The following EHMT1 variants were observed in gnomAD, a reference collection of about 807,000 sequenced individuals.
The protein encoded by EHMT1 is histone-lysine N-methyltransferase EHMT1.
EHMT1 carries 15 observed loss-of-function variants against 147.2 expected under a neutral mutation model. The observed-to-expected ratio is 0.10, with a 90% CI of 0.07 to 0.16. The LOEUF is 0.16. Among genes scored for constraint, EHMT1 ranks in the 10% least tolerant of loss-of-function variants. The probability of loss-of-function intolerance (pLI) is 1.00; values close to 1 mark genes in which losing one functional copy is unlikely to be tolerated. For synonymous variants in EHMT1, 795 were observed against 709.6 expected (o/e 1.12, Z -1.91); for missense variants, 1,587 against 1,772.4 (o/e 0.90, Z 1.88).
intron 3 of EHMT1, among the ~76,000 whole-genome samples, chr9:137,718,955 C>T (rs1238429799): frequency 6.6e-6 from 1 of 151,956 alleles, no homozygotes; most frequent in African/African-American, 2.4e-5. Flanking sequence ...GAGGTTTCAC[C>T]ATGTTGGCCA....
intron 14 of EHMT1, among the ~76,000 whole-genome samples, chr9:137,780,961 C>T (rs1269376096): frequency 7.9e-6 from 1 of 127,288 alleles, no homozygotes; most frequent in East Asian, 2.3e-4. Flanking sequence ...GTGGTGATGA[C>T]GCTGAGACGT....
chr9:137,781,109 G>A (rs1193832646), intron 14 of EHMT1, among the ~76,000 whole-genome samples: 2 of 53,642 alleles, frequency 3.7e-5, no homozygotes, highest in Non-Finnish European at 3.7e-5. Flanking sequence ...TGGTGATGAC[G>A]CTGAGATGTG....
chr9:137,726,258 C>T (rs1439195052), intron 3 of EHMT1, among the ~76,000 whole-genome samples: 1 of 152,234 alleles, frequency 6.6e-6, no homozygotes, highest in Non-Finnish European at 1.5e-5. Context: ...GCTCTGTCTC[C>T]TTTAAACACT....
chr9:137,818,238 C>A, intron 25 of EHMT1, 100 bp downstream of exon 25: 3 of 1,350,742 alleles, frequency 2.2e-6, no homozygotes, highest in African/African-American at 1.4e-5. Context: ...AGAGCTCTTA[C>A]TGTTGACAAG....
At chr9:137,801,169 G>A (rs1306107183) in intron 18 of EHMT1, among the ~76,000 whole-genome samples, 185 bp downstream of exon 18, 1 of 152,176 alleles carries the variant, frequency 6.6e-6, no homozygotes, top group Non-Finnish European at 1.5e-5. Context: ...GGGGATGTGA[G>A]GTCCCAGCAG....
chr9:137,619,458 C>T (rs1371462556), intron 1 of EHMT1, among the ~76,000 whole-genome samples: 1 of 152,086 alleles, frequency 6.6e-6, no homozygotes, highest in Non-Finnish European at 1.5e-5. Flanking sequence ...GCGGGGCCGG[C>T]CAACTTTGGA....
chr9:137,630,237 A>T (rs1323615073), intron 1 of EHMT1, among the ~76,000 whole-genome samples: 1 of 152,242 alleles, frequency 6.6e-6, no homozygotes, highest in Non-Finnish European at 1.5e-5. Context: ...AAGAGGACAT[A>T]CAAAGTTTTG....
chr9:137,807,308 C>T (rs1005337006), intron 18 of EHMT1, among the ~76,000 whole-genome samples: 2 of 152,064 alleles, frequency 1.3e-5, no homozygotes, highest in South Asian at 2.1e-4. Flanking sequence ...GTCCACTCAT[C>T]TTTTCTTCTG....
chr9:137,666,759 G>A (rs532606890), intron 1 of EHMT1, among the ~76,000 whole-genome samples: 27 of 152,316 alleles, frequency 1.8e-4, no homozygotes, highest in Non-Finnish European at 3.2e-4. Flanking sequence ...TCCATTTTCC[G>A]TGGAATGGTG....
intron 1 of EHMT1, among the ~76,000 whole-genome samples, chr9:137,703,553 A>T (rs1291612604): frequency 6.6e-6 from 1 of 152,128 alleles, no homozygotes; most frequent in Non-Finnish European, 1.5e-5. Flanking sequence ...AGTTCCACAG[A>T]TCCTTAGAGC....
intron 1 of EHMT1, among the ~76,000 whole-genome samples, chr9:137,648,720 CA>C (rs1845088041): frequency 6.6e-6 from 1 of 152,144 alleles, no homozygotes; most frequent in Non-Finnish European, 1.5e-5. Context: ...CAAGTTAATG[CA>C]AAAACTTATC....
At chr9:137,778,423 T>G (rs559281195) in intron 13 of EHMT1, among the ~76,000 whole-genome samples, 22 of 152,346 alleles carry the variant, frequency 1.4e-4, no homozygotes, top group African/African-American at 4.8e-4. Flanking sequence ...ATGCGAGGGT[T>G]GGGCCAAGGG....
At chr9:137,697,029 C>T (rs1943449792) in intron 1 of EHMT1, 1 of 304,220 alleles carries the variant, frequency 3.3e-6, no homozygotes, top group Non-Finnish European at 6.9e-6. Flanking sequence ...ACCTGTGATC[C>T]CAGCACTCTG....
chr9:137,619,998 A>G (rs567536781), intron 1 of EHMT1: 1 of 152,344 alleles, frequency 6.6e-6, no homozygotes, highest in South Asian at 2.1e-4. Flanking sequence ...TCTAAAGCTT[A>G]GAAAGTTAAG....
chr9:137,803,046 G>A (rs985158905), intron 18 of EHMT1: 18 of 1,230,922 alleles, frequency 1.5e-5, no homozygotes, highest in Middle Eastern at 6.2e-4. Flanking sequence ...CGGAGACTGC[G>A]TGGCGGGGAA....
chr9:137,622,481 A>G (rs997084298), intron 1 of EHMT1, among the ~76,000 whole-genome samples: 2 of 152,078 alleles, frequency 1.3e-5, no homozygotes, highest in African/African-American at 4.8e-5. Flanking sequence ...CATTTACTTC[A>G]TGTTTCTAAA....
At chr9:137,834,733 T>C in intron 26 of EHMT1, 40 bp from the exon 27 acceptor site, 1 of 1,613,180 alleles carries the variant, frequency 6.2e-7, no homozygotes, top group African/African-American at 1.3e-5. Context: ...GAGGTGCCGG[T>C]GGGATTCGAC....
chr9:137,781,016 G>T (rs1951427797), intron 14 of EHMT1, among the ~76,000 whole-genome samples: 1 of 147,874 alleles, frequency 6.8e-6, no homozygotes, highest in Non-Finnish European at 1.5e-5. Flanking sequence ...CGGGATGTGT[G>T]GTGATGACGC....
chr9:137,833,402 C>T (rs1165510034), intron 25 of EHMT1, among the ~76,000 whole-genome samples: 1 of 152,230 alleles, frequency 6.6e-6, no homozygotes, highest in African/African-American at 2.4e-5. Flanking sequence ...TTGGGCGTGC[C>T]GGGCCTCGGG....
Sources: allele counts gnomAD v4.1 joint callset (sites outside exome capture counted in the v4.1 genomes callset), GRCh38; gene constraint gnomAD v4.1.1; transcripts MANE v1.5; gene names NCBI Gene and HGNC (gene_info 2026-07-23, HGNC 2026-07-21).